The following GRID2 variants were observed in gnomAD, a reference collection of about 807,000 sequenced individuals.
GRID2 encodes the protein glutamate ionotropic receptor delta type subunit 2.
Under a neutral mutation model 114.8 loss-of-function variants are expected in GRID2, and 33 were observed. The observed-to-expected ratio is 0.29, with a 90% CI of 0.22 to 0.38. The LOEUF is 0.38. Ranked by LOEUF, GRID2 falls within the 10% of genes least tolerant of loss-of-function variation. The pLI, the probability that GRID2 is intolerant of heterozygous loss-of-function variation, is 1.00. For synonymous variants in GRID2, 505 were observed against 449.9 expected, an observed-to-expected ratio of 1.12 and a Z score of -1.55; for missense variants, 1,184 against 1,257.7, an observed-to-expected ratio of 0.94 and a Z score of 0.89.
chr4:93,650,537 T>C (rs762976468), intron 14 of GRID2, among the ~76,000 whole-genome samples: 19 of 152,272 alleles, frequency 1.2e-4, no homozygotes, highest in Non-Finnish European at 2.2e-4. Flanking sequence ...AAATAAGAAA[T>C]GTGCAACCAA....
At chr4:93,003,674 T>C (rs1289061169) in intron 2 of GRID2, among the ~76,000 whole-genome samples, 2 of 151,922 alleles carry the variant, frequency 1.3e-5, no homozygotes, top group Non-Finnish European at 2.9e-5. Context: ...CTTGAAGAAA[T>C]GTTTGTTTAG....
intron 4 of GRID2, among the ~76,000 whole-genome samples, chr4:93,182,769 T>C (rs1740019596): frequency 6.6e-6 from 1 of 152,222 alleles, no homozygotes; most frequent in South Asian, 2.1e-4. Context: ...CAAAGCCTAA[T>C]AAAAACTCTA....
chr4:92,317,434 G>A (rs1309351152), intron 1 of GRID2, among the ~76,000 whole-genome samples: 1 of 152,188 alleles, frequency 6.6e-6, no homozygotes, highest in African/African-American at 2.4e-5. Context: ...ATAACAGATT[G>A]TTCGCAAACT....
intron 13 of GRID2, among the ~76,000 whole-genome samples, chr4:93,555,106 C>A (rs1734178314): frequency 6.6e-6 from 1 of 152,176 alleles, no homozygotes; most frequent in African/African-American, 2.4e-5. Context: ...ACGGTCTTCG[C>A]AACCTGCAGA....
chr4:92,312,651 G>C (rs988388824), intron 1 of GRID2, among the ~76,000 whole-genome samples: 1 of 152,070 alleles, frequency 6.6e-6, no homozygotes, highest in Non-Finnish European at 1.5e-5. Context: ...TCAAACTTGA[G>C]AGTTTAAATT....
intron 2 of GRID2, among the ~76,000 whole-genome samples, chr4:92,824,260 A>G (rs1741521844): frequency 6.6e-6 from 1 of 152,148 alleles, no homozygotes; most frequent in South Asian, 2.1e-4. Context: ...GTTGGAGGTT[A>G]TTAAAATTTA....
At chr4:92,604,956 T>A (rs1418102181) in intron 2 of GRID2, among the ~76,000 whole-genome samples, 1 of 151,292 alleles carries the variant, frequency 6.6e-6, no homozygotes, top group African/African-American at 2.4e-5. Context: ...CCCACGCTGT[T>A]CTCCTGATAG....
intron 2 of GRID2, among the ~76,000 whole-genome samples, chr4:93,021,620 G>A (rs1461889218): frequency 1.4e-5 from 2 of 141,066 alleles, no homozygotes; most frequent in Non-Finnish European, 3.1e-5. Flanking sequence ...TTTATATATT[G>A]TATATATTAT....
At chr4:92,490,607 G>C (rs1179999136) in intron 1 of GRID2, among the ~76,000 whole-genome samples, 1 of 152,138 alleles carries the variant, frequency 6.6e-6, no homozygotes, top group Non-Finnish European at 1.5e-5. Flanking sequence ...TATTGAAGAA[G>C]TAGTGTGGAA....
At chr4:92,913,065 A>G (rs1365520421) in intron 2 of GRID2, among the ~76,000 whole-genome samples, 2 of 151,842 alleles carry the variant, frequency 1.3e-5, no homozygotes, top group Admixed American at 1.3e-4. Context: ...TTATATTTTG[A>G]TGGTGAATAA....
intron 8 of GRID2, among the ~76,000 whole-genome samples, chr4:93,261,722 T>C (rs1432784786): frequency 6.6e-6 from 1 of 151,796 alleles, no homozygotes; most frequent in Non-Finnish European, 1.5e-5. Context: ...TAGTGGAGGA[T>C]TTTGAGAAAC....
At chr4:93,506,667 C>T (rs773090616) in intron 12 of GRID2, among the ~76,000 whole-genome samples, 170 of 152,200 alleles carry the variant, frequency 1.1e-3, no homozygotes, top group Non-Finnish European at 1.1e-3. Flanking sequence ...TGGAGGTGCC[C>T]ATCTTCTGAC....
intron 2 of GRID2, among the ~76,000 whole-genome samples, chr4:92,739,791 C>T (rs865812725): frequency 6.6e-6 from 1 of 152,162 alleles, no homozygotes; most frequent in East Asian, 1.9e-4. Flanking sequence ...CTGATTCTTC[C>T]TCTCATGTAA....
At chr4:93,598,552 A>G (rs578072301) in intron 13 of GRID2, among the ~76,000 whole-genome samples, 19 of 152,308 alleles carry the variant, frequency 1.2e-4, no homozygotes, top group Middle Eastern at 3.4e-3. Context: ...TTTCTTTTCA[A>G]CCAAATTTAT....
intron 8 of GRID2, among the ~76,000 whole-genome samples, chr4:93,380,146 G>A (rs1259083835): frequency 6.6e-6 from 1 of 152,036 alleles, no homozygotes; most frequent in African/African-American, 2.4e-5. Flanking sequence ...AGATCGTTAT[G>A]GAATATCTGA....
At chr4:93,660,552 G>A (rs1294975993) in intron 14 of GRID2, among the ~76,000 whole-genome samples, 1 of 152,112 alleles carries the variant, frequency 6.6e-6, no homozygotes, top group African/African-American at 2.4e-5. Flanking sequence ...AAATGGAGCA[G>A]TAGTCGCGTA....
At chr4:93,588,653 T>A (rs1027186458) in intron 13 of GRID2, among the ~76,000 whole-genome samples, 20 of 152,158 alleles carry the variant, frequency 1.3e-4, no homozygotes, top group Non-Finnish European at 2.9e-4. Context: ...AAACTTCCTT[T>A]AAAGGCTGCA....
chr4:93,021,755 A>G (rs1280405016), intron 2 of GRID2, among the ~76,000 whole-genome samples: 1 of 145,976 alleles, frequency 6.9e-6, no homozygotes, highest in African/African-American at 2.5e-5. Context: ...ATTATTTATA[A>G]TATGAATATT....
At chr4:93,631,369 C>G (rs961435145) in intron 14 of GRID2, among the ~76,000 whole-genome samples, 20 of 152,138 alleles carry the variant, frequency 1.3e-4, no homozygotes, top group African/African-American at 4.8e-4. Context: ...CTCCCCACTC[C>G]CCGACCCTAG....
Sources: gnomAD v4.1 joint callset for allele counts (sites outside exome capture counted in the v4.1 genomes callset) on GRCh38, gnomAD v4.1.1 for gene constraint, MANE v1.5 for transcripts, NCBI Gene and HGNC (gene_info 2026-07-23, HGNC 2026-07-21) for gene names.